The following PACRG variants were observed in gnomAD, a reference collection of about 807,000 sequenced individuals.
PACRG encodes the protein parkin coregulated.
PACRG carries 29 observed loss-of-function variants against 29.7 expected under a neutral mutation model. That is an observed-to-expected ratio of 0.98 (90% CI 0.73 to 1.33). The LOEUF (loss-of-function observed/expected upper bound fraction) is 1.33. Ranked by LOEUF, PACRG falls within the 40% of genes most tolerant of loss-of-function variation. The pLI is 0.00. For synonymous variants in PACRG, 116 were observed against 118.7 expected, an observed-to-expected ratio of 0.98 and a Z score of 0.15; for missense variants, 279 against 316.2, an observed-to-expected ratio of 0.88 and a Z score of 0.89.
At chr6:163,072,868 A>G (rs1749055) in intron 3 of PACRG, among the ~76,000 whole-genome samples, 37,253 of 151,980 alleles carry the variant, frequency 0.25, 5,198 homozygotes, top group East Asian at 0.66. Context: ...ATAGCCACAG[A>G]TAAAACTAAG....
At chr6:162,815,026 G>A (rs1270334840) in intron 2 of PACRG, among the ~76,000 whole-genome samples, 1 of 152,102 alleles carries the variant, frequency 6.6e-6, no homozygotes, top group Non-Finnish European at 1.5e-5. Flanking sequence ...AATAAATGCT[G>A]GTCTCTAACC....
chr6:162,970,889 C>A (rs1483861747), intron 2 of PACRG, among the ~76,000 whole-genome samples: 1 of 152,168 alleles, frequency 6.6e-6, no homozygotes, highest in African/African-American at 2.4e-5. Flanking sequence ...CAGCAAGGGG[C>A]AGGCTTGTAC....
intron 2 of PACRG, among the ~76,000 whole-genome samples, chr6:162,978,361 G>A (rs1452912425): frequency 2.0e-5 from 3 of 152,090 alleles, no homozygotes; most frequent in Non-Finnish European, 4.4e-5. Context: ...AATGTGTAGG[G>A]TAACATGTAC....
chr6:162,748,946 C>T (rs1781305162), intron 1 of PACRG, among the ~76,000 whole-genome samples: 1 of 152,076 alleles, frequency 6.6e-6, no homozygotes, highest in Non-Finnish European at 1.5e-5. Flanking sequence ...TCACTCCTTC[C>T]CCCCTTCTCC....
chr6:163,030,240 T>C lies in PACRG; in HGVS notation c.292-31910T>C, dbSNP rs545132830. 3.9e-5 allele frequency among the ~76,000 whole-genome samples: 6 copies of C among 152,288 alleles called. No individual in the cohort carries two copies. The East Asian group carries it at 1.2e-3, about 29-fold the overall frequency. On this transcript the variant is annotated intron_variant, in intron 2 of 4. Coordinates refer to ENST00000366888, the MANE Select transcript of PACRG (RefSeq NM_001080379.2). ...CTGGGCAGGAAGGAGACTGTTTCAC[T>C]CACCTTGTGGATGAGCATGGCCAGT... is the stretch of plus-strand genomic sequence containing the variant.
At chr6:163,001,544 C>G (rs771833831) in intron 2 of PACRG, among the ~76,000 whole-genome samples, 13 of 152,186 alleles carry the variant, frequency 8.5e-5, no homozygotes, top group Non-Finnish European at 1.6e-4. Context: ...AACCACAGGT[C>G]TCTGTGGGTA....
intron 1 of PACRG, among the ~76,000 whole-genome samples, chr6:162,736,698 A>G (rs1174964528): frequency 6.6e-6 from 1 of 151,362 alleles, no homozygotes; most frequent in Non-Finnish European, 1.5e-5. Context: ...TATTCATTAT[A>G]TACATGTTAA....
chr6:163,094,544 C>G (rs1266371478), intron 4 of PACRG, among the ~76,000 whole-genome samples: 1 of 152,074 alleles, frequency 6.6e-6, no homozygotes, highest in African/African-American at 2.4e-5. Context: ...GTCCTTTGGT[C>G]TAAGAGTATC....
chr6:163,013,647 G>A (rs181389045), intron 2 of PACRG, among the ~76,000 whole-genome samples: 5 of 152,220 alleles, frequency 3.3e-5, no homozygotes, highest in Non-Finnish European at 4.4e-5. Context: ...AAAGAAACTC[G>A]TGGGTGTGGA....
At chr6:162,852,394 A>G (rs935296278) in intron 2 of PACRG, among the ~76,000 whole-genome samples, 1 of 152,226 alleles carries the variant, frequency 6.6e-6, no homozygotes, top group African/African-American at 2.4e-5. Flanking sequence ...TGCCAGCAGC[A>G]GAACCCCCAG....
At chr6:163,136,138 T>G (rs1816927925) in intron 4 of PACRG, among the ~76,000 whole-genome samples, 1 of 152,210 alleles carries the variant, frequency 6.6e-6, no homozygotes, top group Non-Finnish European at 1.5e-5. Context: ...CTTTGTGATT[T>G]CGGATTTTTG....
At chr6:163,200,672 C>A (rs1780659594) in intron 4 of PACRG, among the ~76,000 whole-genome samples, 1 of 152,074 alleles carries the variant, frequency 6.6e-6, no homozygotes, top group Non-Finnish European at 1.5e-5. Flanking sequence ...AGTGAAGACA[C>A]CTGATATGAT....
At chr6:163,166,046 C>A (rs1189885125) in intron 4 of PACRG, 1 of 453,712 alleles carries the variant, frequency 2.2e-6, no homozygotes, top group East Asian at 7.0e-5. Context: ...TCATCTAAAT[C>A]CGAGTGTAAT....
At chr6:162,931,588 G>A (rs1408238728) in intron 2 of PACRG, among the ~76,000 whole-genome samples, 1 of 151,908 alleles carries the variant, frequency 6.6e-6, no homozygotes, top group African/African-American at 2.4e-5. Context: ...TTCTTCCATT[G>A]GATTGCCTTT....
chr6:163,186,305 C>A (rs1387534904), intron 4 of PACRG, among the ~76,000 whole-genome samples: 4 of 152,150 alleles, frequency 2.6e-5, no homozygotes, highest in African/African-American at 9.7e-5. Flanking sequence ...ATGGAAGCAA[C>A]ATTCTCATTG....
At chr6:163,290,895 G>A (rs947457816) in intron 4 of PACRG, among the ~76,000 whole-genome samples, 4 of 152,178 alleles carry the variant, frequency 2.6e-5, no homozygotes, top group South Asian at 2.1e-4. Context: ...GTAGGGTTGC[G>A]TCGGTGGGGC....
chr6:163,156,301 G>A (rs1778313222), intron 4 of PACRG, among the ~76,000 whole-genome samples: 1 of 152,174 alleles, frequency 6.6e-6, no homozygotes, highest in Non-Finnish European at 1.5e-5. Context: ...AACTCAACAT[G>A]TTTAAAGCTA....
chr6:163,042,771 G>A (rs1185525615), intron 2 of PACRG: 2 of 151,410 alleles, frequency 1.3e-5, no homozygotes, highest in African/African-American at 4.8e-5. Context: ...AACTATGAAA[G>A]CAGAGATTCT....
Position 163,038,396 on chromosome 6 carries a change from T to G in PACRG, c.292-23754T>G, listed in dbSNP as rs189614320. 2.2e-4 allele frequency among the ~76,000 whole-genome samples: 33 copies of G among 152,268 alleles called. No homozygotes were observed. In the East Asian group the frequency reaches 6.0e-3, roughly 28 times the overall value. ...AGCTGGAAAGAAAATGGGGACAGAT[T>G]CTGGAAAACGGAGTACAACACAGTG... On this transcript the variant is annotated intron_variant, in intron 2 of 4. Coordinates refer to ENST00000366888, the MANE Select transcript of PACRG (RefSeq NM_001080379.2).
Sources: allele counts gnomAD v4.1 joint callset (sites outside exome capture counted in the v4.1 genomes callset), GRCh38; gene constraint gnomAD v4.1.1; transcripts MANE v1.5; gene names NCBI Gene and HGNC (gene_info 2026-07-23, HGNC 2026-07-21).